Variants in RBM33 observed in about 807,000 individuals in gnomAD.
The protein encoded by RBM33 is RNA binding motif protein 33.
In RBM33, 28 loss-of-function variants were observed where a neutral mutation model predicts 132.6. The observed-to-expected ratio is 0.21, with a 90% CI of 0.16 to 0.29. The LOEUF (loss-of-function observed/expected upper bound fraction) is 0.29. RBM33 is among the 10% of genes least tolerant of loss of function. The pLI, the probability that RBM33 is intolerant of heterozygous loss-of-function variation, is 1.00. For synonymous variants in RBM33, 634 were observed against 593.0 expected, an observed-to-expected ratio of 1.07 and a Z score of -1.01; for missense variants, 1,291 against 1,518.5, an observed-to-expected ratio of 0.85 and a Z score of 2.49.
At chr7:155,650,319 C>T (rs1029758910) in intron 1 of RBM33, among the ~76,000 whole-genome samples, 1 of 152,198 alleles carries the variant, frequency 6.6e-6, no homozygotes, top group South Asian at 2.1e-4. Flanking sequence ...TGACTGCCAT[C>T]CCCAGTGCTG....
At chr7:155,671,128 A>G (rs1361868557) in intron 2 of RBM33, among the ~76,000 whole-genome samples, 1 of 152,158 alleles carries the variant, frequency 6.6e-6, no homozygotes. Flanking sequence ...CTGGAATCAA[A>G]TTTTCAAATG....
Position 155,771,912 on chromosome 7 carries a change from G to T in RBM33, c.3376-2647G>T, listed in dbSNP as rs545119887. ...ACACCACTGGGCCTGGCTAATTTTT[G>T]ATTTTTTTTTGTGGAGACAGGCCCT... On this transcript the variant is annotated intron_variant, in intron 16 of 17. Coordinates refer to ENST00000401878, the MANE Select transcript of RBM33 (RefSeq NM_053043.3). 2.6e-5 allele frequency among the ~76,000 whole-genome samples: 4 copies of T among 151,992 alleles called. No individual in the cohort carries two copies. In the East Asian group the frequency reaches 5.8e-4, roughly 22 times the overall value.
chr7:155,741,678 G>C, intron 12 of RBM33, 141 bp from the exon 13 acceptor site: 1 of 769,926 alleles, frequency 1.3e-6, no homozygotes, highest in East Asian at 2.7e-5. Context: ...AAAAAAGTAT[G>C]AGAAAAAAGT....
intron 2 of RBM33, among the ~76,000 whole-genome samples, chr7:155,666,117 T>C (rs575785383): frequency 6.6e-6 from 1 of 152,210 alleles, no homozygotes; most frequent in East Asian, 1.9e-4. Flanking sequence ...CAAAAGAATA[T>C]ATGTAGAAAG....
chr7:155,708,080 T>G (rs1044908924), intron 7 of RBM33, among the ~76,000 whole-genome samples: 1 of 152,260 alleles, frequency 6.6e-6, no homozygotes, highest in African/African-American at 2.4e-5. Flanking sequence ...TTTTTACATT[T>G]TTATCTGAAT....
intron 5 of RBM33, among the ~76,000 whole-genome samples, chr7:155,687,649 T>C (rs1799518212): frequency 6.6e-6 from 1 of 152,354 alleles, no homozygotes. Context: ...GAATTAATTT[T>C]CGTATAAGGT....
rs1379756686 is a variant in RBM33 at position 155,706,953 on chromosome 7, G to A, written c.833G>A (p.Arg278Gln). The A allele has an allele frequency of 1.2e-5, 20 of 1,603,420 alleles. No individual in the cohort carries two copies. The highest frequency in any genetic ancestry group is 1.7e-5 in the Non-Finnish European group (20 of 1,175,262). Residue 278 changes from arginine to glutamine, a missense_variant, in exon 7 of 18, where the codon CGG becomes CAG. Arg to Gln is a conservative substitution (Grantham distance 43). This residue lies in a region of RBM33 where 34 missense variants were observed against 46.5 expected (regional missense o/e 0.73). Transcript: ENST00000401878. ...CGCTACAGCTCCAGGCGGGGAGGAC[G>A]GCGAGGAGGTCCGCTGATGTGTCGT... ...QGRYSSRRGG[R>Q]RGGPLMCRGV... is the part of the protein sequence containing the mutation.
At chr7:155,751,768 T>TA (rs1375525062) in intron 14 of RBM33, among the ~76,000 whole-genome samples, 2 of 149,446 alleles carry the variant, frequency 1.3e-5, no homozygotes, top group African/African-American at 5.0e-5. Context: ...TCTGTAATGT[T>TA]ACAGTTTTAC....
At chr7:155,729,697 G>C (rs115998241) in intron 9 of RBM33, among the ~76,000 whole-genome samples, 1 of 148,342 alleles carries the variant, frequency 6.7e-6, no homozygotes, top group South Asian at 2.1e-4. Context: ...TGATCGCACC[G>C]CTATACTCCA....
rs751066637 is a variant in RBM33, at chr7:155,738,307, G to T, written c.1641G>T (p.Gly547=). Residue 547 remains glycine (G), a synonymous_variant, in exon 11 of 18, where the codon GGG becomes GGT. Transcript: ENST00000401878. ...GGATTCTGCACTTTAGCCAGCCTGGGTCGGCAACCACACGGCCCTTCATTC... is the reference window on the plus strand; with the variant it reads ...GGATTCTGCACTTTAGCCAGCCTGGTTCGGCAACCACACGGCCCTTCATTC... ...PVGILHFSQP[G]SATTRPFIPP... 10 of 1,613,950 alleles carry T rather than the reference G, an allele frequency of 6.2e-6. No individual in the cohort carries two copies. In the Admixed American group the frequency reaches 6.7e-5, roughly 11 times the overall value.
intron 9 of RBM33, among the ~76,000 whole-genome samples, chr7:155,729,950 C>G (rs1316870): frequency 6.6e-6 from 1 of 151,882 alleles, no homozygotes; most frequent in Non-Finnish European, 1.5e-5. Flanking sequence ...TACTTCCTTC[C>G]TTCATTCAGC....
In RBM33 at chr7:155,647,132, C is replaced by G. The variant is rs370082968; in HGVS notation, c.43+2213C>G. ...TTCAAACTTCTTAAAATGGCAGCCA[C>G]AGAAATGTGATTGACATTGTGATTT... On this transcript the variant is annotated intron_variant, in intron 1 of 17. Transcript: ENST00000401878. Among the ~76,000 whole-genome samples the G allele has an allele frequency of 3.9e-5, 6 of 152,244 alleles. No homozygotes were observed. In the East Asian group the frequency reaches 1.2e-3, roughly 29 times the overall value.
intron 2 of RBM33, among the ~76,000 whole-genome samples, chr7:155,668,994 G>T (rs1937387521): frequency 6.6e-6 from 1 of 152,122 alleles, no homozygotes. Flanking sequence ...AGGTTTTATT[G>T]TTTACCGTAT....
At chr7:155,646,432 A>G (rs1334145469) in intron 1 of RBM33, among the ~76,000 whole-genome samples, 1 of 152,188 alleles carries the variant, frequency 6.6e-6, no homozygotes, top group African/African-American at 2.4e-5. Flanking sequence ...TTTTCCTTCC[A>G]TTTTGTCACA....
intron 6 of RBM33, among the ~76,000 whole-genome samples, chr7:155,702,019 A>G (rs1418234910): frequency 2.6e-5 from 4 of 152,246 alleles, no homozygotes; most frequent in African/African-American, 7.2e-5. Context: ...TTCCCATGCA[A>G]TGCTGCTCCT....
rs1802635412 is a variant in RBM33 at position 155,777,034 on chromosome 7, AATGAGTTTC to A, written c.*1998_*2006del. 1 of 152,350 alleles carries A rather than the reference AATGAGTTTC, an allele frequency of 6.6e-6. No homozygotes were observed. The highest frequency in any genetic ancestry group is 1.5e-5 in the Non-Finnish European group (1 of 68,032). 9.4% of individuals were successfully genotyped at this position (152,350 alleles called of 1,614,324 possible). On this transcript the variant is annotated 3_prime_UTR_variant, in exon 18 of 18. Transcript: ENST00000401878. ...CATTGAGGGCTTACTGATACAATGA[AATGAGTTTC>A]ATGACTTTTTTTTTTTTTAAACACT...
Position 155,702,428 on chromosome 7 carries a change from TTATGA to T in RBM33, c.739+1490_739+1494del, listed in dbSNP as rs369561759. 1.6e-4 allele frequency among the ~76,000 whole-genome samples: 24 copies of T among 152,338 alleles called. No homozygotes were observed. In the East Asian group the frequency reaches 4.2e-3, roughly 27 times the overall value. On this transcript the variant is annotated intron_variant, in intron 6 of 17. Coordinates refer to ENST00000401878, the MANE Select transcript of RBM33 (RefSeq NM_053043.3). ...AAGATTTCCCTAGACTTTTTTCAAG[TTATGA>T]TATGAAGTTGCCAGTTGAGCTGAAG...
At chr7:155,685,281 G>C (rs941934188) in intron 5 of RBM33, among the ~76,000 whole-genome samples, 1 of 152,206 alleles carries the variant, frequency 6.6e-6, no homozygotes, top group Non-Finnish European at 1.5e-5. Context: ...GTTTTGTGGG[G>C]ATGTGGGTGG....
chr7:155,678,510 A>G (rs1041320592), intron 3 of RBM33, 98 bp from the exon 4 acceptor site: 37 of 746,748 alleles, frequency 5.0e-5, no homozygotes, highest in East Asian at 2.6e-4. Context: ...ACGTTTTAAT[A>G]TAAGGCTAGG....
Sources: allele counts gnomAD v4.1 joint callset (sites outside exome capture counted in the v4.1 genomes callset), GRCh38; gene constraint gnomAD v4.1.1; regional missense constraint gnomAD v4.1.1; transcripts MANE v1.5; gene names NCBI Gene and HGNC (gene_info 2026-07-23, HGNC 2026-07-21).